Variants in RTKN2 observed in about 807,000 individuals in gnomAD.
RTKN2 encodes rhotekin-2.
Under a neutral mutation model 71.5 loss-of-function variants are expected in RTKN2, and 69 were observed. The ratio of observed to expected loss-of-function variants is 0.96; its 90% CI spans 0.79 to 1.18. The LOEUF is 1.18. RTKN2 is among the 50% of genes most tolerant of loss of function. The pLI, the probability that RTKN2 is intolerant of heterozygous loss-of-function variation, is 0.00. For synonymous variants in RTKN2, 236 were observed against 236.5 expected (o/e 1.00, Z 0.02); for missense variants, 724 against 719.7 (o/e 1.01, Z -0.07).
chr10:62,234,291 G>A (rs755798981), intron 6 of RTKN2, among the ~76,000 whole-genome samples: 5 of 152,046 alleles, frequency 3.3e-5, no homozygotes, highest in Non-Finnish European at 5.9e-5. Flanking sequence ...TTGGGAAGCT[G>A]AGGCAAGCGG....
At chr10:62,265,757 A>G (rs116700094) in intron 1 of RTKN2, among the ~76,000 whole-genome samples, 2,525 of 152,288 alleles carry the variant, frequency 0.017, 67 homozygotes, top group African/African-American at 0.057. Context: ...TACTAAGGGT[A>G]TACAATGCAT....
At chr10:62,237,702 TC>T (rs909447717) in intron 5 of RTKN2, among the ~76,000 whole-genome samples, 2 of 151,694 alleles carry the variant, frequency 1.3e-5, no homozygotes, top group Non-Finnish European at 2.9e-5. Context: ...CCCCTGACCC[TC>T]CCCCACTTTT....
chr10:62,223,135 T>A (rs964795544), intron 7 of RTKN2, 103 bp downstream of exon 7: 18 of 617,002 alleles, frequency 2.9e-5, no homozygotes, highest in Admixed American at 2.9e-4. Flanking sequence ...ACAGAATCAC[T>A]CATGTCTCCA....
At chr10:62,186,611 G>A (rs1183173703) in intron 8 of RTKN2, among the ~76,000 whole-genome samples, 4 of 152,118 alleles carry the variant, frequency 2.6e-5, no homozygotes, top group East Asian at 1.9e-4. Flanking sequence ...ACCCCTTCCC[G>A]CTCTCAAGTA....
intron 9 of RTKN2, among the ~76,000 whole-genome samples, chr10:62,213,263 C>T (rs1027648034): frequency 2.6e-5 from 4 of 151,882 alleles, no homozygotes; most frequent in Non-Finnish European, 5.9e-5. Flanking sequence ...TCACTGACTA[C>T]TTGCTAATAG....
chr10:62,198,354 G>A lies in RTKN2; in HGVS notation c.1384C>T (p.His462Tyr). 1 of 1,612,546 alleles carries A rather than the reference G, an allele frequency of 6.2e-7. No individual in the cohort carries two copies. The highest frequency in any genetic ancestry group is 2.2e-5 in the East Asian group (1 of 44,860). ...ETNGQFLIGQ[H>Y]EESLPPPWAT... ...CAAGGAGGTGGTAAGGATTCTTCAT[G>A]CTGACCAATAAGGAACTGCCCATTT... The change falls in exon 12 of 12, where the codon CAT (histidine) becomes TAT (tyrosine). Residue 462 changes from histidine (H) to tyrosine (Y), a missense_variant. Physicochemically the swap from His to Tyr is moderately conservative, Grantham distance 83. Transcript: ENST00000373789.
chr10:62,264,554 T>C (rs568820059), intron 1 of RTKN2, among the ~76,000 whole-genome samples: 1 of 152,240 alleles, frequency 6.6e-6, no homozygotes, highest in Non-Finnish European at 1.5e-5. Context: ...AAATAAACTC[T>C]GGCAGACTGA....
downstream of RTKN2, among the ~76,000 whole-genome samples, chr10:62,192,688 A>T (rs1202304545): frequency 6.6e-6 from 1 of 152,164 alleles, no homozygotes; most frequent in Non-Finnish European, 1.5e-5. Context: ...TGAAGACCGA[A>T]GGGGCTACTA....
At chr10:62,223,178 T>TA (rs1284508071) in intron 7 of RTKN2, 60 bp downstream of exon 7, 8 of 934,232 alleles carry the variant, frequency 8.6e-6, no homozygotes, top group Admixed American at 7.6e-5. Context: ...GAGGGGAACA[T>TA]ACTATAATTA....
chr10:62,242,013 CTT>C (rs34782333), intron 3 of RTKN2, among the ~76,000 whole-genome samples: 67,608 of 133,184 alleles, frequency 0.51, 16,810 homozygotes, highest in East Asian at 0.85. Flanking sequence ...AATTATTATA[CTT>C]TTTTTTTTTT....
chr10:62,197,562 A>C lies in RTKN2; in HGVS notation c.*346T>G. 1 of 1,018,064 alleles carries C rather than the reference A, an allele frequency of 9.8e-7. No individual in the cohort carries two copies. Among genetic ancestry groups the C allele is most frequent in the Non-Finnish European group, 1.2e-6 (1 of 850,752 alleles). 63.1% of individuals were successfully genotyped at this position (1,018,064 alleles called of 1,614,324 possible). On this transcript the variant is annotated 3_prime_UTR_variant, in exon 12 of 12. Coordinates refer to ENST00000373789, the MANE Select transcript of RTKN2 (RefSeq NM_145307.4). ...ATGGTTCATATTTAACACATTTTAAATTACTAGACAGTCTCTCCCCAAAAG... is the reference window on the plus strand; with the variant it reads ...ATGGTTCATATTTAACACATTTTAACTTACTAGACAGTCTCTCCCCAAAAG...
chr10:62,198,529 T>C, intron 11 of RTKN2, 86 bp from the exon 12 acceptor site: 2 of 1,023,236 alleles, frequency 2.0e-6, no homozygotes, highest in East Asian at 5.4e-5. Context: ...CAAACTAGTA[T>C]GCTATATACA....
chr10:62,246,108 T>A, intron 2 of RTKN2, 51 bp from the exon 3 acceptor site: 1 of 1,161,634 alleles, frequency 8.6e-7, no homozygotes, highest in African/African-American at 1.5e-5. Context: ...AATAAGCAAT[T>A]ATTTTAACAG....
chr10:62,258,748 T>C (rs1170177089), intron 2 of RTKN2, among the ~76,000 whole-genome samples: 1 of 152,158 alleles, frequency 6.6e-6, no homozygotes, highest in African/African-American at 2.4e-5. Context: ...CATGTGTATA[T>C]GTAACATAAA....
intron 10 of RTKN2, among the ~76,000 whole-genome samples, chr10:62,204,466 T>C (rs974998106): frequency 6.6e-6 from 1 of 152,188 alleles, no homozygotes; most frequent in Non-Finnish European, 1.5e-5. Context: ...AAAGTGAGAC[T>C]CCTGAATGTT....
At chr10:62,247,879 G>T (rs1316927319) in intron 2 of RTKN2, among the ~76,000 whole-genome samples, 1 of 151,960 alleles carries the variant, frequency 6.6e-6, no homozygotes, top group Non-Finnish European at 1.5e-5. Flanking sequence ...TTATTTCAGT[G>T]AAAAAGTACA....
chr10:62,268,239 C>A (rs1228294025), intron 1 of RTKN2, among the ~76,000 whole-genome samples: 1 of 152,246 alleles, frequency 6.6e-6, no homozygotes. Flanking sequence ...CCGGCATCAC[C>A]TACACCTGCA....
intron 7 of RTKN2, among the ~76,000 whole-genome samples, chr10:62,220,576 A>G (rs1301608466): frequency 6.6e-6 from 1 of 152,188 alleles, no homozygotes; most frequent in Non-Finnish European, 1.5e-5. Flanking sequence ...AACACGAAGG[A>G]TACAATGAAA....
chr10:62,250,513 T>C (rs1162716275), intron 2 of RTKN2, among the ~76,000 whole-genome samples: 1 of 152,208 alleles, frequency 6.6e-6, no homozygotes, highest in East Asian at 1.9e-4. Flanking sequence ...AGAAACCAAA[T>C]ACAGTATTCT....
Sources: allele counts gnomAD v4.1 joint callset (sites outside exome capture counted in the v4.1 genomes callset), GRCh38; gene constraint gnomAD v4.1.1; transcripts MANE v1.5; gene names NCBI Gene and HGNC (gene_info 2026-07-23, HGNC 2026-07-21).